RAP1GDS1: variants seen among roughly 807,000 people sequenced by gnomAD.
RAP1GDS1 encodes the protein Rap1 GTPase-GDP dissociation stimulator 1.
RAP1GDS1 carries 35 observed loss-of-function variants against 71.1 expected under a neutral mutation model. The observed-to-expected ratio is 0.49, with a 90% CI of 0.38 to 0.65. RAP1GDS1 has a LOEUF of 0.65. RAP1GDS1 is among the 30% of genes least tolerant of loss of function. The pLI is 0.00. For synonymous variants in RAP1GDS1, 229 were observed against 243.1 expected (o/e 0.94, Z 0.54); for missense variants, 663 against 706.1 (o/e 0.94, Z 0.69).
intron 2 of RAP1GDS1, among the ~76,000 whole-genome samples, chr4:98,314,735 A>G (rs1230573819): frequency 2.0e-5 from 3 of 152,162 alleles, no homozygotes; most frequent in Admixed American, 6.5e-5. Context: ...ACAGTATAAT[A>G]TATTATATAA....
chr4:98,373,932 C>T (rs1210212824), intron 4 of RAP1GDS1, among the ~76,000 whole-genome samples: 1 of 152,116 alleles, frequency 6.6e-6, no homozygotes, highest in Non-Finnish European at 1.5e-5. Flanking sequence ...GTGTATCTAG[C>T]ATGAATACAC....
intron 7 of RAP1GDS1, among the ~76,000 whole-genome samples, chr4:98,406,224 C>T (rs1042000191): frequency 2.0e-5 from 3 of 151,882 alleles, no homozygotes; most frequent in Non-Finnish European, 2.9e-5. Flanking sequence ...TCAGTAATTA[C>T]GTTAAATGTG....
chr4:98,393,661 T>G (rs904211903), intron 6 of RAP1GDS1, among the ~76,000 whole-genome samples: 3 of 152,210 alleles, frequency 2.0e-5, no homozygotes, highest in Non-Finnish European at 4.4e-5. Context: ...GAGCAGTTTC[T>G]AGAACAGCAC....
intron 3 of RAP1GDS1, among the ~76,000 whole-genome samples, chr4:98,350,741 G>A (rs1444460992): frequency 6.6e-6 from 1 of 152,274 alleles, no homozygotes; most frequent in East Asian, 1.9e-4. Context: ...GGGAGGCTGA[G>A]GCAGAAGAAT....
intron 2 of RAP1GDS1, among the ~76,000 whole-genome samples, chr4:98,339,418 A>G (rs1735162230): frequency 6.6e-6 from 1 of 152,236 alleles, no homozygotes; most frequent in Non-Finnish European, 1.5e-5. Flanking sequence ...CACTGCACCT[A>G]GATGTGAAGG....
At chr4:98,360,567 A>C (rs1206548009) in intron 4 of RAP1GDS1, among the ~76,000 whole-genome samples, 1 of 152,126 alleles carries the variant, frequency 6.6e-6, no homozygotes, top group Non-Finnish European at 1.5e-5. Flanking sequence ...GAAACATAAG[A>C]TTTCCAGTCT....
chr4:98,405,001 A>G (rs1260347999), intron 7 of RAP1GDS1, among the ~76,000 whole-genome samples: 1 of 152,166 alleles, frequency 6.6e-6, no homozygotes, highest in African/African-American at 2.4e-5. Context: ...TAAGAGATGC[A>G]TCGTAGAAAT....
At chr4:98,295,726 G>A (rs1191408991) in intron 2 of RAP1GDS1, among the ~76,000 whole-genome samples, 1 of 151,918 alleles carries the variant, frequency 6.6e-6, no homozygotes, top group African/African-American at 2.4e-5. Context: ...AAGAAGCTAG[G>A]TTTTAACATT....
chr4:98,370,117 T>G (rs1403921086), intron 4 of RAP1GDS1, among the ~76,000 whole-genome samples: 3 of 152,180 alleles, frequency 2.0e-5, no homozygotes, highest in Non-Finnish European at 4.4e-5. Context: ...CTCACCCAAG[T>G]AAAACTGTGA....
chr4:98,380,466 A>G (rs1741843290), intron 5 of RAP1GDS1, among the ~76,000 whole-genome samples: 1 of 151,818 alleles, frequency 6.6e-6, no homozygotes, highest in Non-Finnish European at 1.5e-5. Flanking sequence ...TTTATTGATC[A>G]AATGGCTTAC....
intron 12 of RAP1GDS1, among the ~76,000 whole-genome samples, chr4:98,432,806 C>T (rs1750618750): frequency 1.3e-5 from 2 of 152,106 alleles, no homozygotes; most frequent in African/African-American, 2.4e-5. Context: ...TTGAGACCTC[C>T]TACTAAATCA....
intron 2 of RAP1GDS1, among the ~76,000 whole-genome samples, chr4:98,304,187 C>T (rs1182736225): frequency 6.6e-5 from 10 of 152,174 alleles, no homozygotes; most frequent in African/African-American, 2.4e-4. Context: ...AATAGAATGA[C>T]TTATATTCCT....
intron 7 of RAP1GDS1, among the ~76,000 whole-genome samples, chr4:98,412,099 A>G (rs1747152626): frequency 6.6e-6 from 1 of 152,212 alleles, no homozygotes; most frequent in African/African-American, 2.4e-5. Flanking sequence ...ATTTATTTTT[A>G]AAAGTCTTTA....
intron 1 of RAP1GDS1, among the ~76,000 whole-genome samples, chr4:98,280,524 G>A (rs896448282): frequency 1.3e-4 from 19 of 151,916 alleles, no homozygotes; most frequent in African/African-American, 3.6e-4. Flanking sequence ...TTGTCAGATG[G>A]GTAGATTGCA....
At chr4:98,279,249 AATAAT>A in intron 1 of RAP1GDS1, among the ~76,000 whole-genome samples, 1 of 150,868 alleles carries the variant, frequency 6.6e-6, no homozygotes, top group East Asian at 1.9e-4. Flanking sequence ...AACAAACAAA[AATAAT>A]AATAATAGGG....
At chr4:98,369,497 T>A (rs1402323280) in intron 4 of RAP1GDS1, among the ~76,000 whole-genome samples, 1 of 152,098 alleles carries the variant, frequency 6.6e-6, no homozygotes, top group African/African-American at 2.4e-5. Flanking sequence ...ATAAAAGATA[T>A]AGCGGTATAT....
chr4:98,368,267 G>T lies in RAP1GDS1; in HGVS notation c.362-10750G>T, dbSNP rs191856767. ...CTGCCATGATTGTGAGGCTTCCCCTGCCATGCGGAACTATAAGACCAATTA... is the reference window on the plus strand; with the variant it reads ...CTGCCATGATTGTGAGGCTTCCCCTTCCATGCGGAACTATAAGACCAATTA... On this transcript the variant is annotated intron_variant, in intron 4 of 14. Transcript: ENST00000408927. 5.5e-3 allele frequency among the ~76,000 whole-genome samples: 840 copies of T among 152,236 alleles called. 4 individuals are homozygous for T. Among genetic ancestry groups the T allele is most frequent in the Non-Finnish European group, 8.6e-3 (586 of 68,010 alleles).
rs773643763 is a variant in RAP1GDS1 at position 98,417,467 on chromosome 4, A to AG, written c.1009dup (p.Ala337GlyfsTer11). The AG allele has an allele frequency of 1.9e-6, 3 of 1,613,946 alleles. No individual in the cohort carries two copies. ...ATAACCACCAGCTACAGCTTGCTGG[A>AG]GCATTGGCAATTGCAAATTTTGCCA... is the stretch of plus-strand genomic sequence containing the variant. On this transcript the variant is annotated frameshift_variant, in exon 9 of 15. Coordinates refer to ENST00000408927, the MANE Select transcript of RAP1GDS1 (RefSeq NM_001100427.2). LOFTEE classifies it high-confidence loss of function.
intron 7 of RAP1GDS1, among the ~76,000 whole-genome samples, chr4:98,412,803 T>A (rs952218007): frequency 6.6e-6 from 1 of 152,078 alleles, no homozygotes; most frequent in Non-Finnish European, 1.5e-5. Flanking sequence ...TGATGTCCCC[T>A]GAGCCACAAA....
Sources: gnomAD v4.1 joint callset for allele counts (sites outside exome capture counted in the v4.1 genomes callset) on GRCh38, gnomAD v4.1.1 for gene constraint, MANE v1.5 for transcripts, NCBI Gene and HGNC (gene_info 2026-07-23, HGNC 2026-07-21) for gene names.